KCNMB2: variants seen among roughly 807,000 people sequenced by gnomAD.
The protein encoded by KCNMB2 is calcium-activated potassium channel subunit beta-2.
A neutral mutation model predicts 24.5 loss-of-function variants in KCNMB2; 9 were observed. The ratio of observed to expected loss-of-function variants is 0.37; its 90% CI spans 0.22 to 0.64. The LOEUF (loss-of-function observed/expected upper bound fraction) is 0.64, where lower values mean the gene tolerates loss of function less well. KCNMB2 is among the 30% of genes least tolerant of loss of function. The pLI is 0.63. For missense variants in KCNMB2, 226 were observed against 284.3 expected (o/e 0.79, Z 1.47); for synonymous variants, 109 against 104.4 (o/e 1.04, Z -0.27).
chr3:178,825,470 AG>A, intron 2 of KCNMB2, 117 bp from the exon 3 acceptor site: 1 of 707,570 alleles, frequency 1.4e-6, no homozygotes. Flanking sequence ...ACTGAGGTCC[AG>A]CTGCACTGAA....
chr3:178,537,041 AG>A (rs992739795), intron 1 of KCNMB2, among the ~76,000 whole-genome samples: 1 of 152,164 alleles, frequency 6.6e-6, no homozygotes, highest in African/African-American at 2.4e-5. Context: ...CTGTACTGGT[AG>A]GGTCGAGTGA....
At chr3:178,645,951 G>C (rs1719906270) in intron 1 of KCNMB2, among the ~76,000 whole-genome samples, 1 of 152,120 alleles carries the variant, frequency 6.6e-6, no homozygotes, top group Middle Eastern at 3.2e-3. Flanking sequence ...AGTTTTTTGT[G>C]GTCCTCCTGG....
chr3:178,751,054 C>T (rs1723828916), intron 1 of KCNMB2, among the ~76,000 whole-genome samples: 2 of 152,032 alleles, frequency 1.3e-5, no homozygotes, highest in South Asian at 4.1e-4. Context: ...ATATAGACAA[C>T]TCACATAACT....
chr3:178,813,948 C>CGTTGTTGTTGTT (rs201495357), intron 2 of KCNMB2, among the ~76,000 whole-genome samples: 1 of 149,470 alleles, frequency 6.7e-6, no homozygotes, highest in Non-Finnish European at 1.5e-5. Context: ...AACTTCACTA[C>CGTTGTTGTTGTT]GTTGTTGTTG....
intron 1 of KCNMB2, among the ~76,000 whole-genome samples, chr3:178,739,226 C>T (rs1375333377): frequency 6.6e-6 from 1 of 152,102 alleles, no homozygotes; most frequent in Non-Finnish European, 1.5e-5. Flanking sequence ...CACTTAACCT[C>T]TCAGTCAGCT....
intron 1 of KCNMB2, among the ~76,000 whole-genome samples, chr3:178,776,210 A>G (rs530200768): frequency 9.6e-4 from 146 of 152,204 alleles, no homozygotes; most frequent in African/African-American, 3.3e-3. Context: ...TTATTTTATT[A>G]TATTTCCCAT....
intron 1 of KCNMB2, among the ~76,000 whole-genome samples, chr3:178,648,716 T>A (rs1052832253): frequency 6.6e-6 from 1 of 152,230 alleles, no homozygotes; most frequent in African/African-American, 2.4e-5. Context: ...TTTGCTTTCT[T>A]TCCTTGCTGC....
chr3:178,600,723 C>T (rs1718050565), intron 1 of KCNMB2, among the ~76,000 whole-genome samples: 1 of 152,018 alleles, frequency 6.6e-6, no homozygotes, highest in Non-Finnish European at 1.5e-5. Flanking sequence ...TTTGTTGGTT[C>T]CAAGTCTTTG....
intron 1 of KCNMB2, among the ~76,000 whole-genome samples, chr3:178,789,244 T>C (rs1713229356): frequency 6.6e-6 from 1 of 152,158 alleles, no homozygotes; most frequent in African/African-American, 2.4e-5. Context: ...AGCAGTTGTT[T>C]TACATAACAC....
At chr3:178,825,816 T>A (rs535691902) in intron 3 of KCNMB2, 58 bp downstream of exon 3, 2 of 1,409,980 alleles carry the variant, frequency 1.4e-6, no homozygotes, top group African/African-American at 1.4e-5. Context: ...TCCTCCCCCA[T>A]CACTTAGGCA....
chr3:178,833,909 C>T (rs9839672), intron 4 of KCNMB2, among the ~76,000 whole-genome samples: 11,651 of 152,072 alleles, frequency 0.077, 559 homozygotes, highest in African/African-American at 0.13. Flanking sequence ...GCTCAAGGGT[C>T]CCTGCCTCCC....
chr3:178,701,281 A>G (rs1036579193), intron 1 of KCNMB2, among the ~76,000 whole-genome samples: 6 of 152,002 alleles, frequency 3.9e-5, no homozygotes, highest in African/African-American at 1.2e-4. Flanking sequence ...GTGTGGTATT[A>G]TTTCTGAGGG....
rs199808644 is a variant in KCNMB2 at position 178,788,578 on chromosome 3, GC to G, written c.-67-18764del. 3.8e-3 allele frequency among the ~76,000 whole-genome samples: 583 copies of G among 152,162 alleles called. 1 individual carries two copies. Among genetic ancestry groups the G allele is most frequent in the African/African-American group, 0.013 (560 of 41,508 alleles). The stretch of plus-strand genomic sequence containing the variant: ...CACATGGAAATCCTGTATGATATCT[GC>G]TGTTACTCTAATTTTCTTGATGAGG... On this transcript the variant is annotated intron_variant, in intron 1 of 4. Coordinates refer to ENST00000452583, the MANE Select transcript of KCNMB2 (RefSeq NM_181361.3).
chr3:178,564,594 T>G (rs1019949111), intron 1 of KCNMB2, among the ~76,000 whole-genome samples: 9 of 152,194 alleles, frequency 5.9e-5, no homozygotes, highest in African/African-American at 2.2e-4. Flanking sequence ...GTGATTTACA[T>G]GCATTGCCTT....
At chr3:178,681,310 A>G (rs1040046695) in intron 1 of KCNMB2, among the ~76,000 whole-genome samples, 2 of 152,206 alleles carry the variant, frequency 1.3e-5, no homozygotes, top group African/African-American at 4.8e-5. Context: ...AAGCAGTGAG[A>G]ATTAGTTATG....
At chr3:178,543,227 T>A (rs1715678134) in intron 1 of KCNMB2, among the ~76,000 whole-genome samples, 1 of 152,184 alleles carries the variant, frequency 6.6e-6, no homozygotes, top group Non-Finnish European at 1.5e-5. Context: ...GCTCACTGCT[T>A]ATTAGGCCCA....
chr3:178,625,345 C>T (rs1005809749), intron 1 of KCNMB2, among the ~76,000 whole-genome samples: 3 of 152,184 alleles, frequency 2.0e-5, no homozygotes, highest in Admixed American at 2.0e-4. Context: ...CCCCCCCACC[C>T]CAACTAAGGC....
intron 1 of KCNMB2, among the ~76,000 whole-genome samples, chr3:178,759,128 TCTCCAAGAGGG>T (rs1711542346): frequency 8.1e-5 from 5 of 62,090 alleles, no homozygotes; most frequent in East Asian, 3.7e-4. Flanking sequence ...TATATATATA[TCTCCAAGAGGG>T]ATATATATAT....
intron 1 of KCNMB2, among the ~76,000 whole-genome samples, chr3:178,542,467 A>G (rs180827898): frequency 6.6e-6 from 1 of 152,296 alleles, no homozygotes; most frequent in East Asian, 1.9e-4. Flanking sequence ...TATACCTTCC[A>G]TTGAACAGAT....
Sources: allele counts gnomAD v4.1 joint callset (sites outside exome capture counted in the v4.1 genomes callset), GRCh38; gene constraint gnomAD v4.1.1; transcripts MANE v1.5; gene names NCBI Gene and HGNC (gene_info 2026-07-23, HGNC 2026-07-21).